Variants in MAP4 observed in about 807,000 individuals in gnomAD.
The protein encoded by MAP4 is microtubule associated protein 4.
In MAP4, 76 loss-of-function variants were observed where a neutral mutation model predicts 170.2. The observed-to-expected ratio is 0.45, with a 90% CI of 0.37 to 0.54. The LOEUF (loss-of-function observed/expected upper bound fraction) is 0.54. Among genes scored for constraint, MAP4 ranks in the 20% least tolerant of loss-of-function variants. The pLI is 0.00. For synonymous variants in MAP4, 909 were observed against 994.5 expected (o/e 0.91, Z 1.62); for missense variants, 2,506 against 2,748.0 (o/e 0.91, Z 1.97).
chr3:48,017,740 AC>A (rs1279340197), upstream of MAP4, among the ~76,000 whole-genome samples: 1 of 152,090 alleles, frequency 6.6e-6, no homozygotes, highest in Non-Finnish European at 1.5e-5. Context: ...AAATTGTCTT[AC>A]CACCTTTTCT....
intron 1 of MAP4, among the ~76,000 whole-genome samples, chr3:48,008,112 G>A (rs2100103396): frequency 6.6e-6 from 1 of 152,188 alleles, no homozygotes; most frequent in Non-Finnish European, 1.5e-5. Context: ...ATTGTGCACA[G>A]CAGCATTCCA....
Position 48,036,936 on chromosome 3 carries a change from T to C in MAP4, c.-19-38057A>G, listed in dbSNP as rs1178649008. Reference sequence around the variant, plus strand: ...GAGATAAAGACTAAAATGAGGTTACTGGCTTACAGCCTGAAAAGTATTCTG... The same window carrying C: ...GAGATAAAGACTAAAATGAGGTTACCGGCTTACAGCCTGAAAAGTATTCTG... On this transcript the variant is annotated intron_variant, in intron 1 of 18. Transcript: ENST00000360240. Among the ~76,000 whole-genome samples, 3 of 152,206 alleles carry C rather than the reference T, an allele frequency of 2.0e-5. No homozygotes were observed. The East Asian group carries it at 5.8e-4, about 29-fold the overall frequency.
chr3:47,858,614 T>TGTGTGTGTGTGC (rs1491506129), intron 17 of MAP4, among the ~76,000 whole-genome samples: 10 of 138,510 alleles, frequency 7.2e-5, no homozygotes, highest in South Asian at 2.3e-4. Flanking sequence ...TGTGTGTGTG[T>TGTGTGTGTGTGC]GCGCGTTGTG....
In MAP4 at chr3:47,977,851, T is replaced by C; in HGVS notation, c.292+14A>G. The C allele has an allele frequency of 6.3e-7, 1 of 1,596,430 alleles. No individual in the cohort carries two copies. The highest frequency in any genetic ancestry group is 8.6e-7 in the Non-Finnish European group (1 of 1,164,616). On this transcript the variant is annotated intron_variant, in intron 3 of 20. Transcript: ENST00000683076. ...CATCACCTACACATTTGGGGAATCCTGGGAATCACTTACCTGTAGTATCGC... is the reference window on the plus strand; with the variant it reads ...CATCACCTACACATTTGGGGAATCCCGGGAATCACTTACCTGTAGTATCGC...
chr3:47,959,572 C>T (rs1271604734), intron 3 of MAP4, among the ~76,000 whole-genome samples: 7 of 151,490 alleles, frequency 4.6e-5, no homozygotes, highest in Non-Finnish European at 8.8e-5. Flanking sequence ...CTGGCTAACA[C>T]GGTGAAACCC....
chr3:47,878,578 C>T (rs936885339), intron 10 of MAP4, among the ~76,000 whole-genome samples: 3 of 152,148 alleles, frequency 2.0e-5, no homozygotes, highest in African/African-American at 7.2e-5. Flanking sequence ...CTTGATCTGT[C>T]ACCCAGGCTG....
Position 47,863,937 on chromosome 3 carries a change from T to TGTGTGTGGGGGGGG in MAP4, c.6501+3308_6501+3309insCCCCCCCCACACAC, listed in dbSNP as rs374208589. On this transcript the variant is annotated intron_variant, in intron 17 of 20. Transcript: ENST00000683076. ...GTGGGTGTGGGTGTGTGTGTGTGTGTGGGGAGTGGTGGGGGGTGTAATGCT... is the reference window on the plus strand; with the variant it reads ...GTGGGTGTGGGTGTGTGTGTGTGTGTGTGTGTGGGGGGGGGGGGAGTGGTGGGGGGTGTAATGCT... 5.3e-4 allele frequency among the ~76,000 whole-genome samples: 73 copies of TGTGTGTGGGGGGGG among 138,432 alleles called. 1 individual carries two copies. Among genetic ancestry groups the TGTGTGTGGGGGGGG allele is most frequent in the African/African-American group, 1.3e-3 (49 of 36,652 alleles). 90.8% of individuals were successfully genotyped at this position (138,432 alleles called of 152,430 possible).
At chr3:47,861,361 T>C (rs550551327) in intron 17 of MAP4, among the ~76,000 whole-genome samples, 4 of 151,310 alleles carry the variant, frequency 2.6e-5, no homozygotes, top group African/African-American at 9.7e-5. Flanking sequence ...GTCTTTTTTT[T>C]TTTTTTTTTT....
chr3:47,948,504 G>A (rs557961760), intron 3 of MAP4, among the ~76,000 whole-genome samples: 7 of 151,906 alleles, frequency 4.6e-5, no homozygotes, highest in South Asian at 2.1e-4. Context: ...GATTACAAGC[G>A]TTGAGTCACC....
chr3:47,892,381 G>A lies in MAP4; in HGVS notation c.5434+10569C>T, dbSNP rs769995791. 50 of 1,535,988 alleles carry A rather than the reference G, an allele frequency of 3.3e-5. 1 individual carries two copies. The Middle Eastern group carries it at 3.5e-3, about 107-fold the overall frequency. On this transcript the variant is annotated intron_variant, in intron 10 of 20. Coordinates refer to ENST00000683076, the MANE Select transcript of MAP4 (RefSeq NM_001385682.1). ...CCTCTGTCCTCTGCCATTCGAATCCGGCTTGACTGATTTCTTTTGGGGAGT... is the reference window on the plus strand; with the variant it reads ...CCTCTGTCCTCTGCCATTCGAATCCAGCTTGACTGATTTCTTTTGGGGAGT...
intron 11 of MAP4, 108 bp from the exon 12 acceptor site, chr3:47,876,008 T>C (rs1255878364): frequency 9.8e-6 from 8 of 814,178 alleles, no homozygotes; most frequent in Non-Finnish European, 1.6e-5. Flanking sequence ...CAATTCAAAG[T>C]AAAATTATAA....
intron 3 of MAP4, among the ~76,000 whole-genome samples, chr3:47,952,771 A>C (rs917460367): frequency 2.0e-5 from 3 of 152,078 alleles, no homozygotes; most frequent in Non-Finnish European, 2.9e-5. Flanking sequence ...AAAAAATACA[A>C]AAATTGGTCG....
intron 1 of MAP4, among the ~76,000 whole-genome samples, chr3:48,040,169 T>G (rs1031267754): frequency 1.3e-5 from 2 of 152,208 alleles, no homozygotes; most frequent in African/African-American, 4.8e-5. Flanking sequence ...AAATAAAGCC[T>G]TCATAAGAAC....
chr3:47,982,190 T>C (rs1302709860), intron 2 of MAP4, among the ~76,000 whole-genome samples: 2 of 152,110 alleles, frequency 1.3e-5, no homozygotes, highest in African/African-American at 4.8e-5. Flanking sequence ...ATACATGCAA[T>C]AGACTGATAA....
intron 3 of MAP4, among the ~76,000 whole-genome samples, chr3:47,937,885 C>T (rs2100053950): frequency 6.7e-6 from 1 of 150,190 alleles, no homozygotes. Flanking sequence ...TGGTCTCGAA[C>T]TCCTGACCTC....
At chr3:47,984,464 T>C (rs780109524) in intron 2 of MAP4, among the ~76,000 whole-genome samples, 1 of 152,302 alleles carries the variant, frequency 6.6e-6, no homozygotes, top group South Asian at 2.1e-4. Context: ...TTGGATTAGA[T>C]ACAGGATACA....
intron 1 of MAP4, among the ~76,000 whole-genome samples, chr3:48,087,358 C>A (rs2100149604): frequency 6.6e-6 from 1 of 152,168 alleles, no homozygotes; most frequent in South Asian, 2.1e-4. Flanking sequence ...CAACTGTTCA[C>A]TCTAAATCCA....
rs112157184 is a variant in MAP4, at chr3:48,005,698, A to G, written c.-19-6819T>C. 9.2e-3 allele frequency among the ~76,000 whole-genome samples: 1,394 copies of G among 152,268 alleles called. 26 individuals are homozygous for G. Among genetic ancestry groups the G allele is most frequent in the African/African-American group, 0.031 (1,308 of 41,534 alleles). ...ATTGAGGTGGTGGAGTGGATTACTC[A>G]CTTTAGACCTACTCATCCCAGCTGG... On this transcript the variant is annotated intron_variant, in intron 1 of 20. Transcript: ENST00000683076.
At chr3:47,998,185 A>G (rs2100097015) in intron 2 of MAP4, among the ~76,000 whole-genome samples, 1 of 152,218 alleles carries the variant, frequency 6.6e-6, no homozygotes, top group Admixed American at 6.5e-5. Flanking sequence ...TCAGCCAATT[A>G]TTAGCACATC....
Sources: gnomAD v4.1 joint callset for allele counts (sites outside exome capture counted in the v4.1 genomes callset) on GRCh38, gnomAD v4.1.1 for gene constraint, MANE v1.5 for transcripts, NCBI Gene and HGNC (gene_info 2026-07-23, HGNC 2026-07-21) for gene names.